Variants in KY observed in about 807,000 individuals in gnomAD.
KY encodes the protein kyphoscoliosis peptidase.
KY carries 43 observed loss-of-function variants against 76.1 expected under a neutral mutation model. The observed-to-expected ratio is 0.57, with a 90% confidence interval of 0.44 to 0.73. The LOEUF is 0.73. Among genes scored for constraint, KY ranks in the 30% least tolerant of loss-of-function variants. The probability of loss-of-function intolerance (pLI) is 0.00; values close to 1 mark genes in which losing one functional copy is unlikely to be tolerated. For synonymous variants in KY, 277 were observed against 326.2 expected (o/e 0.85, Z 1.63); for missense variants, 722 against 828.9 (o/e 0.87, Z 1.58).
At chr3:134,629,582 C>G (rs1256367740) in intron 4 of KY, 39 bp downstream of exon 4, 1 of 1,516,058 alleles carries the variant, frequency 6.6e-7, no homozygotes, top group Non-Finnish European at 9.0e-7. Flanking sequence ...TCAATCCTCT[C>G]TGCCAGCCCT....
chr3:134,608,652 TTC>T lies in KY; in HGVS notation c.1085_1086del (p.Arg362AsnfsTer11), dbSNP rs776345955. 1.2e-6 allele frequency: 2 copies of T among 1,614,032 alleles called. No individual in the cohort carries two copies. The highest frequency in any genetic ancestry group is 1.7e-6 in the Non-Finnish European group (2 of 1,179,880). On this transcript the variant is annotated frameshift_variant, in exon 10 of 11. Transcript: ENST00000423778. LOFTEE classifies it high-confidence loss of function. The part of the protein sequence containing the change: ...LSAHPETSMI[R>X]TVNGKATVTI... ...CTGGCACCTGCTCCGGGCTCACCTGTTCTGATCATGGAAGTCTCTGGGTGGGC... is the reference window on the plus strand; with the variant it reads ...CTGGCACCTGCTCCGGGCTCACCTGTTGATCATGGAAGTCTCTGGGTGGGC...
intron 4 of KY, among the ~76,000 whole-genome samples, chr3:134,628,387 C>G (rs540215957): frequency 6.6e-6 from 1 of 152,348 alleles, no homozygotes; most frequent in South Asian, 2.1e-4. Context: ...AGGAAAGGAA[C>G]TTTCCCTGCC....
chr3:134,643,724 A>G (rs1391406243), intron 2 of KY, among the ~76,000 whole-genome samples: 1 of 152,086 alleles, frequency 6.6e-6, no homozygotes, highest in African/African-American at 2.4e-5. Context: ...CACTGCATAC[A>G]CAGATGCCTC....
chr3:134,628,138 C>G, intron 4 of KY: 1 of 363,732 alleles, frequency 2.7e-6, no homozygotes, highest in Admixed American at 4.2e-5. Context: ...TGTTCCTGCC[C>G]TCTTTTGGAG....
At position 134,620,738 on chromosome 3, in the gene KY, G is replaced by A; in HGVS notation, c.592+11C>T. The A allele has an allele frequency of 6.2e-7, 1 of 1,601,750 alleles. No individual in the cohort carries two copies. Among genetic ancestry groups the A allele is most frequent in the Admixed American group, 1.7e-5 (1 of 59,686 alleles). The stretch of plus-strand genomic sequence containing the variant: ...GGATTCTAGAGCCAGAAATTCCACA[G>A]GGGGGCCTACCTATGTGATGGCAGA... On this transcript the variant is annotated intron_variant, in intron 7 of 10. Coordinates refer to ENST00000423778, the MANE Select transcript of KY (RefSeq NM_178554.6).
At chr3:134,629,518 C>T in intron 4 of KY, 103 bp downstream of exon 4, 1 of 856,784 alleles carries the variant, frequency 1.2e-6, no homozygotes, top group Non-Finnish European at 1.9e-6. Flanking sequence ...CCATGTCACT[C>T]TTCTCCTTCC....
At chr3:134,644,927 C>A (rs1020560210) in intron 2 of KY, among the ~76,000 whole-genome samples, 2 of 152,206 alleles carry the variant, frequency 1.3e-5, no homozygotes, top group East Asian at 3.8e-4. Flanking sequence ...ATGTGGCATG[C>A]GGGGCTGGAG....
At chr3:134,607,899 C>T (rs933095438) in intron 10 of KY, 3 of 991,434 alleles carry the variant, frequency 3.0e-6, no homozygotes, top group Middle Eastern at 5.2e-4. Context: ...GCTTGGCCCT[C>T]ATCCAGGGGT....
chr3:134,626,184 C>T (rs1417542072), intron 5 of KY, among the ~76,000 whole-genome samples: 4 of 152,192 alleles, frequency 2.6e-5, no homozygotes, highest in Admixed American at 2.0e-4. Flanking sequence ...AGGAACTGAG[C>T]CCCTGATCCA....
intron 3 of KY, among the ~76,000 whole-genome samples, chr3:134,635,342 C>G (rs1314977567): frequency 6.6e-6 from 1 of 151,724 alleles, no homozygotes; most frequent in Non-Finnish European, 1.5e-5. Context: ...ACTAAAAATA[C>G]AAAGATTAGC....
intron 6 of KY, 30 bp from the exon 7 acceptor site, chr3:134,620,887 G>A (rs369520254): frequency 4.7e-5 from 66 of 1,407,400 alleles, no homozygotes; most frequent in Middle Eastern, 3.5e-4. Context: ...TGCTGTATTA[G>A]GGCCTCGAGG....
chr3:134,606,272 T>A (rs1036311743), intron 10 of KY, among the ~76,000 whole-genome samples: 2 of 152,148 alleles, frequency 1.3e-5, no homozygotes, highest in African/African-American at 4.8e-5. Flanking sequence ...CAGGGCTCCT[T>A]TGAAAACGTC....
rs1320865417 is a variant in KY, at chr3:134,600,679, G to A, written c.*2900C>T. 1 of 152,238 alleles carries A rather than the reference G, an allele frequency of 6.6e-6. No homozygotes were observed. Among genetic ancestry groups the A allele is most frequent in the African/African-American group, 2.4e-5 (1 of 41,436 alleles). 9.4% of individuals were successfully genotyped at this position (152,238 alleles called of 1,614,324 possible). A position where few individuals can be genotyped will look rare whatever the true frequency, so the allele number is the denominator to read the frequency against. ...AAGCAGATACTTTCTGAGTTTGATC[G>A]GTTCCAATCCTTCAATGGTATAGTA... On this transcript the variant is annotated 3_prime_UTR_variant, in exon 11 of 11. Transcript: ENST00000423778.
In KY at chr3:134,601,494, C is replaced by T. The variant is rs1224689449; in HGVS notation, c.*2085G>A. Among the ~76,000 whole-genome samples, 1 of 152,232 alleles carries T rather than the reference C, an allele frequency of 6.6e-6. No individual in the cohort carries two copies. On this transcript the variant is annotated 3_prime_UTR_variant, in exon 11 of 11. Coordinates refer to ENST00000423778, the MANE Select transcript of KY (RefSeq NM_178554.6). Reference sequence around the variant, plus strand: ...GAAGGCACTTATTGTTTTGATGAAACAAACACATTTCTTTAAGCCCATAAA... The same window carrying T: ...GAAGGCACTTATTGTTTTGATGAAATAAACACATTTCTTTAAGCCCATAAA...
At chr3:134,607,719 A>G in intron 10 of KY, 1 of 985,822 alleles carries the variant, frequency 1.0e-6, no homozygotes, top group Non-Finnish European at 1.2e-6. Flanking sequence ...AAACATACTC[A>G]GCTGCCATGG....
At chr3:134,609,179 G>A (rs1336221015) in intron 9 of KY, among the ~76,000 whole-genome samples, 1 of 152,204 alleles carries the variant, frequency 6.6e-6, no homozygotes, top group Non-Finnish European at 1.5e-5. Flanking sequence ...GGGGTCGTGG[G>A]AAGGCAGGGA....
intron 10 of KY, chr3:134,607,383 C>T: frequency 1.0e-6 from 1 of 985,578 alleles, no homozygotes; most frequent in Middle Eastern, 5.2e-4. Context: ...CATTGCCCTG[C>T]AATGTGGGTT....
At chr3:134,615,199 C>G (rs1961311195) in intron 8 of KY, 1 of 152,516 alleles carries the variant, frequency 6.6e-6, no homozygotes, top group Non-Finnish European at 1.5e-5. Flanking sequence ...CATGCAGAAC[C>G]TCATGAGACG....
chr3:134,642,481 TTG>T lies in KY; in HGVS notation c.262+833_262+834del, dbSNP rs1965886666. Among the ~76,000 whole-genome samples, 2 of 152,126 alleles carry T rather than the reference TTG, an allele frequency of 1.3e-5. 1 individual carries two copies. The highest frequency in any genetic ancestry group is 2.9e-5 in the Non-Finnish European group (2 of 68,012). On this transcript the variant is annotated intron_variant, in intron 3 of 10. Coordinates refer to ENST00000423778, the MANE Select transcript of KY (RefSeq NM_178554.6). ...TCTCTAACCTGGCCTCCTGTCACCA[TTG>T]CTGTGGGGCCCTCCTGTCTCTATCT...
Sources: gnomAD v4.1 joint callset for allele counts (sites outside exome capture counted in the v4.1 genomes callset) on GRCh38, gnomAD v4.1.1 for gene constraint, MANE v1.5 for transcripts, NCBI Gene and HGNC (gene_info 2026-07-23, HGNC 2026-07-21) for gene names.